NUAK2: variants seen among roughly 807,000 people sequenced by gnomAD.
The protein encoded by NUAK2 is NUAK family SNF1-like kinase 2.
NUAK2 carries 20 observed loss-of-function variants against 29.8 expected under a neutral mutation model. The observed-to-expected ratio is 0.67, with a 90% CI of 0.47 to 0.98. The LOEUF is 0.98. Ranked by LOEUF, NUAK2 falls within the 50% of genes least tolerant of loss-of-function variation. The pLI is 0.00. For missense variants in NUAK2, 719 were observed against 834.5 expected (o/e 0.86, Z 1.71); for synonymous variants, 331 against 342.6 (o/e 0.97, Z 0.37).
At position 205,303,915 on chromosome 1, in the gene NUAK2, T is replaced by G; in HGVS notation, c.1422A>C (p.Ala474=). 6.2e-7 allele frequency: 1 copy of G among 1,614,048 alleles called. No individual in the cohort carries two copies. Among genetic ancestry groups the G allele is most frequent in the South Asian group, 1.1e-5 (1 of 91,090 alleles). ...EPSESGELLD[A]GDVFVSGDPK... ...GATCCCCACTCACAAACACGTCGCC[T>G]GCGTCCAAGAGCTCCCCAGATTCAC... Residue 474 remains alanine, a synonymous_variant, in exon 7 of 7, where the codon GCA becomes GCC. Transcript: ENST00000367157.
intron 6 of NUAK2, 132 bp downstream of exon 6, chr1:205,305,067 G>T: frequency 8.7e-7 from 1 of 1,144,820 alleles, no homozygotes; most frequent in Non-Finnish European, 1.2e-6. Flanking sequence ...TACGGTGGAG[G>T]GTACCCTAAC....
chr1:205,309,596 G>T (rs1238378202), intron 2 of NUAK2, among the ~76,000 whole-genome samples: 1 of 152,202 alleles, frequency 6.6e-6, no homozygotes, highest in Admixed American at 6.5e-5. Context: ...AAAGTGCTGG[G>T]ATTACAGGCG....
chr1:205,316,991 T>C (rs375737410), intron 1 of NUAK2, among the ~76,000 whole-genome samples: 116 of 152,160 alleles, frequency 7.6e-4, no homozygotes, highest in Non-Finnish European at 1.1e-3. Flanking sequence ...GAAGCTTCCA[T>C]CTCAGCCATA....
In NUAK2 at chr1:205,304,872, T is replaced by C. The variant is rs1662157210; in HGVS notation, c.823+327A>G. 6.6e-6 allele frequency among the ~76,000 whole-genome samples: 1 copy of C among 152,190 alleles called. No homozygotes were observed. On this transcript the variant is annotated intron_variant, in intron 6 of 6. Transcript: ENST00000367157. The surrounding 1 kb of genome is among the most constrained non-coding windows in gnomAD (Gnocchi z 6.5). ...GTCTCTCACACCCTTCTTCCTGCCT[T>C]CTGAGTCATAGTGAAGGACAAAAAG...
chr1:205,307,282 G>T (rs147520140), intron 4 of NUAK2, among the ~76,000 whole-genome samples: 188 of 152,294 alleles, frequency 1.2e-3, no homozygotes, highest in African/African-American at 4.3e-3. Context: ...GTTACCAGTT[G>T]AAGCCCATAA....
chr1:205,316,948 A>G lies in NUAK2; in HGVS notation c.231+4450T>C, dbSNP rs994916489. On this transcript the variant is annotated intron_variant, in intron 1 of 6. Transcript: ENST00000367157. ...AGGTTCCACAACACATCAAGACACA[A>G]TCAGGACTGAAGATGGAAGGATGGT... is the stretch of plus-strand genomic sequence containing the variant. 3.3e-5 allele frequency among the ~76,000 whole-genome samples: 5 copies of G among 152,318 alleles called. 1 individual carries two copies. Among genetic ancestry groups the G allele is most frequent in the East Asian group, 3.9e-4 (2 of 5,180 alleles).
At chr1:205,305,536 G>T in intron 5 of NUAK2, 6 of 985,258 alleles carry the variant, frequency 6.1e-6, no homozygotes, top group Non-Finnish European at 7.2e-6. Flanking sequence ...CTACAGCCAG[G>T]TCATCTCTTC....
At chr1:205,312,005 A>G (rs763282489) in intron 1 of NUAK2, among the ~76,000 whole-genome samples, 180 bp from the exon 2 acceptor site, 51 of 152,216 alleles carry the variant, frequency 3.4e-4, no homozygotes, top group Admixed American at 4.6e-4. Flanking sequence ...CTAGAAAAAG[A>G]TCTCACCTGA....
chr1:205,317,988 C>G (rs1558676540), intron 1 of NUAK2, among the ~76,000 whole-genome samples: 1 of 152,240 alleles, frequency 6.6e-6, no homozygotes, highest in Non-Finnish European at 1.5e-5. Flanking sequence ...GTGTCAGACA[C>G]TGTGCTAAGC....
At position 205,304,112 on chromosome 1, in the gene NUAK2, C is replaced by T. The variant is rs746315442; in HGVS notation, c.1225G>A (p.Gly409Ser). The change falls in exon 7 of 7, where the codon GGC (glycine) becomes AGC (serine). Residue 409 changes from glycine to serine, a missense_variant. Transcript: ENST00000367157. This position sits in a 1 kb window ranked among gnomAD's most constrained non-coding sequence, Gnocchi z 6.5. Reference sequence around the variant, plus strand: ...GCTGACACCTTCTTCTTGAGAATGCCCTTTGGCAGCTTGAGGTTGCTCTTG... The same window carrying T: ...GCTGACACCTTCTTCTTGAGAATGCTCTTTGGCAGCTTGAGGTTGCTCTTG... ...PGKSNLKLPK[G>S]ILKKKVSASA... 6.2e-7 allele frequency: 1 copy of T among 1,614,198 alleles called. No homozygotes were observed. Among genetic ancestry groups the T allele is most frequent in the Non-Finnish European group, 8.5e-7 (1 of 1,180,040 alleles).
At chr1:205,306,161 G>T (rs754782444) in intron 5 of NUAK2, 27 bp downstream of exon 5, 2 of 1,579,472 alleles carry the variant, frequency 1.3e-6, no homozygotes, top group South Asian at 2.3e-5. Context: ...ATCTGAGGCA[G>T]GCTGGCAGGG....
chr1:205,305,490 C>T (rs1356003219), intron 5 of NUAK2, 159 bp from the exon 6 acceptor site: 3 of 985,286 alleles, frequency 3.0e-6, no homozygotes, highest in South Asian at 4.7e-5. Flanking sequence ...TGTTGTCAAT[C>T]GCATTTCCTG....
Position 205,318,394 on chromosome 1 carries a change from A to G in NUAK2, c.231+3004T>C, listed in dbSNP as rs1662358434. On this transcript the variant is annotated intron_variant, in intron 1 of 6. Coordinates refer to ENST00000367157, the MANE Select transcript of NUAK2 (RefSeq NM_030952.3). The stretch of plus-strand genomic sequence containing the variant: ...ACCAACTCCCAGTCTAGGACTCAGT[A>G]CTTGGTCATCCAGGAGCCCATATTG... 2.0e-5 allele frequency among the ~76,000 whole-genome samples: 3 copies of G among 152,248 alleles called. No homozygotes were observed. In the South Asian group the frequency reaches 6.2e-4, roughly 31 times the overall value.
chr1:205,304,406 C>T lies in NUAK2; in HGVS notation c.931G>A (p.Val311Met), dbSNP rs778338600. 37 of 1,601,870 alleles carry T rather than the reference C, an allele frequency of 2.3e-5. No individual in the cohort carries two copies. Among genetic ancestry groups the T allele is most frequent in the Middle Eastern group, 1.7e-4 (1 of 5,936 alleles). Reference sequence around the variant, plus strand: ...TCATGCGGAGCCTCCTGCTCTCCCACTCGGGTGGCGTAGCCCCAGTTGACC... The same window carrying T: ...TCATGCGGAGCCTCCTGCTCTCCCATTCGGGTGGCGTAGCCCCAGTTGACC... The part of the protein sequence containing the change: ...WWVNWGYATR[V>M]GEQEAPHEGG... Residue 311 changes from valine to methionine, a missense_variant, in exon 7 of 7, where the codon GTG (valine) becomes ATG (methionine). Around this residue, in one of 3 missense-constraint regions of NUAK2, gnomAD observed 430 missense variants for 465.7 expected, o/e 0.92. Transcript: ENST00000367157. This position sits in a 1 kb window ranked among gnomAD's most constrained non-coding sequence, Gnocchi z 6.5.
chr1:205,303,358 G>T lies in NUAK2; in HGVS notation c.*92C>A. On this transcript the variant is annotated 3_prime_UTR_variant, in exon 7 of 7. Transcript: ENST00000367157. ...TCTCAGCCTTCTGAGCTGGGATGCA[G>T]GTCCTGGGAGGTGGGGGAGAAGGCA... The T allele has an allele frequency of 8.6e-7, 1 of 1,159,396 alleles. No homozygotes were observed. The highest frequency in any genetic ancestry group is 1.2e-6 in the Non-Finnish European group (1 of 826,836). 71.8% of individuals were successfully genotyped at this position (1,159,396 alleles called of 1,614,324 possible). A position where few individuals can be genotyped will look rare whatever the true frequency, so the allele number is the denominator to read the frequency against.
chr1:205,307,794 T>C (rs1574891485), intron 4 of NUAK2, among the ~76,000 whole-genome samples: 1 of 152,206 alleles, frequency 6.6e-6, no homozygotes, highest in African/African-American at 2.4e-5. Context: ...TGTACATACA[T>C]GAGAAGAACT....
At chr1:205,305,122 C>T (rs1041734540) in intron 6 of NUAK2, 77 bp downstream of exon 6, 27 of 1,543,560 alleles carry the variant, frequency 1.7e-5, no homozygotes, top group Non-Finnish European at 2.4e-5. Flanking sequence ...ACTTTAGTGC[C>T]ACTGTGTAGT....
Position 205,308,983 on chromosome 1 carries a change from T to C in NUAK2, c.353-251A>G, listed in dbSNP as rs1427708661. ...CTCTGCCTCCGTGGAAGTTCAGGCTTTTGGGAATTCTGAAAATGACCCTGC... is the reference window on the plus strand; with the variant it reads ...CTCTGCCTCCGTGGAAGTTCAGGCTCTTGGGAATTCTGAAAATGACCCTGC... On this transcript the variant is annotated intron_variant, in intron 2 of 6. Transcript: ENST00000367157. The surrounding 1 kb of genome is among the most constrained non-coding windows in gnomAD (Gnocchi z 4.1). Among the ~76,000 whole-genome samples the C allele has an allele frequency of 6.6e-6, 1 of 151,858 alleles. No individual in the cohort carries two copies. Among genetic ancestry groups the C allele is most frequent in the Non-Finnish European group, 1.5e-5 (1 of 67,970 alleles).
intron 1 of NUAK2, among the ~76,000 whole-genome samples, chr1:205,313,214 C>T (rs1165390823): frequency 1.3e-5 from 2 of 150,622 alleles, no homozygotes; most frequent in African/African-American, 4.9e-5. Context: ...TATGTTTTAC[C>T]ATGTTTTTAA....
Sources: allele counts gnomAD v4.1 joint callset (sites outside exome capture counted in the v4.1 genomes callset), GRCh38; gene constraint gnomAD v4.1.1; regional missense constraint gnomAD v4.1.1; non-coding constraint Gnocchi (gnomAD v3.1); transcripts MANE v1.5; gene names NCBI Gene and HGNC (gene_info 2026-07-23, HGNC 2026-07-21).